Variants in SH3RF3 observed in about 807,000 individuals in gnomAD.
SH3RF3 encodes E3 ubiquitin-protein ligase SH3RF3.
In SH3RF3, 29 loss-of-function variants were observed where a neutral mutation model predicts 66.3. That is an observed-to-expected ratio of 0.44 (90% CI 0.33 to 0.60). SH3RF3 has a LOEUF of 0.60. Among genes scored for constraint, SH3RF3 ranks in the 20% least tolerant of loss-of-function variants. The pLI, the probability that SH3RF3 is intolerant of heterozygous loss-of-function variation, is 0.04. For missense variants in SH3RF3, 1,194 were observed against 1,190.9 expected, an observed-to-expected ratio of 1.00 and a Z score of -0.04; for synonymous variants, 583 against 532.0, an observed-to-expected ratio of 1.10 and a Z score of -1.32.
At chr2:109,136,526 T>A (rs377552844) in intron 1 of SH3RF3, among the ~76,000 whole-genome samples, 19 of 152,154 alleles carry the variant, frequency 1.2e-4, no homozygotes, top group Middle Eastern at 3.2e-3. Flanking sequence ...TGTATAAAGT[T>A]GCAGCATGAT....
intron 1 of SH3RF3, among the ~76,000 whole-genome samples, chr2:109,312,626 A>G (rs2105431948): frequency 6.6e-6 from 1 of 152,306 alleles, no homozygotes; most frequent in Middle Eastern, 3.4e-3. Flanking sequence ...GAATCATCCG[A>G]TACATGGCCC....
intron 9 of SH3RF3, among the ~76,000 whole-genome samples, chr2:109,491,803 C>T (rs1173425511): frequency 6.6e-6 from 1 of 152,196 alleles, no homozygotes; most frequent in Non-Finnish European, 1.5e-5. Context: ...AACAACCTCC[C>T]AAAAAGACAG....
chr2:109,274,332 A>G (rs1680698215), intron 1 of SH3RF3, among the ~76,000 whole-genome samples: 1 of 152,242 alleles, frequency 6.6e-6, no homozygotes, highest in African/African-American at 2.4e-5. Flanking sequence ...CAAGTATACA[A>G]ATGTTCATAG....
At chr2:109,499,798 A>ATCAT (rs1679343271) in intron 9 of SH3RF3, among the ~76,000 whole-genome samples, 2 of 152,286 alleles carry the variant, frequency 1.3e-5, no homozygotes, top group South Asian at 4.1e-4. Context: ...GTCAAACATA[A>ATCAT]TCATAGCCGG....
At chr2:109,385,127 G>A (rs911598047) in intron 3 of SH3RF3, among the ~76,000 whole-genome samples, 2 of 152,174 alleles carry the variant, frequency 1.3e-5, no homozygotes, top group Non-Finnish European at 2.9e-5. Context: ...CCCTGCCCAC[G>A]TTGGCATCAG....
intron 1 of SH3RF3, among the ~76,000 whole-genome samples, chr2:109,292,039 A>T (rs1443237766): frequency 2.0e-5 from 3 of 151,906 alleles, no homozygotes; most frequent in Non-Finnish European, 2.9e-5. Context: ...AATTTTTTGT[A>T]TTTTTAGTAG....
chr2:109,456,781 A>G (rs923393835), intron 8 of SH3RF3, among the ~76,000 whole-genome samples: 1 of 152,218 alleles, frequency 6.6e-6, no homozygotes, highest in Non-Finnish European at 1.5e-5. Context: ...CACAACGAGT[A>G]GGGCACTGGG....
chr2:109,269,269 A>G (rs943013044), intron 1 of SH3RF3, among the ~76,000 whole-genome samples: 1 of 152,212 alleles, frequency 6.6e-6, no homozygotes, highest in Non-Finnish European at 1.5e-5. Context: ...TTGAAATGAC[A>G]TAAAGGGACT....
At chr2:109,131,740 A>G (rs1423461812) in intron 1 of SH3RF3, among the ~76,000 whole-genome samples, 1 of 152,198 alleles carries the variant, frequency 6.6e-6, no homozygotes, top group Admixed American at 6.5e-5. Flanking sequence ...GACATTTAGT[A>G]TTAGCAGGAA....
chr2:109,307,542 T>C (rs1218869782), intron 1 of SH3RF3, among the ~76,000 whole-genome samples: 1 of 145,996 alleles, frequency 6.8e-6, no homozygotes, highest in Non-Finnish European at 1.5e-5. Flanking sequence ...CATCTAGCAT[T>C]AGGTATATCT....
At chr2:109,449,632 G>T in intron 8 of SH3RF3, 143 bp downstream of exon 8, 1 of 1,134,988 alleles carries the variant, frequency 8.8e-7, no homozygotes, top group Non-Finnish European at 1.2e-6. Context: ...CCAGGCGTGT[G>T]ACAGAGAGGG....
intron 8 of SH3RF3, among the ~76,000 whole-genome samples, chr2:109,480,805 G>A (rs956827082): frequency 4.6e-5 from 7 of 152,162 alleles, no homozygotes; most frequent in Non-Finnish European, 1.0e-4. Flanking sequence ...TATGACCTCC[G>A]GCTCTCTCTA....
intron 1 of SH3RF3, among the ~76,000 whole-genome samples, chr2:109,192,064 A>G (rs975785945): frequency 6.6e-6 from 1 of 152,106 alleles, no homozygotes; most frequent in African/African-American, 2.4e-5. Context: ...GTCTACCTGC[A>G]CCTTCACTTT....
chr2:109,441,490 G>T (rs141236325), intron 7 of SH3RF3, among the ~76,000 whole-genome samples: 2 of 152,102 alleles, frequency 1.3e-5, no homozygotes, highest in Non-Finnish European at 2.9e-5. Flanking sequence ...AATAGAAGCC[G>T]TGGAAAGTGG....
chr2:109,186,910 T>C (rs985709713), intron 1 of SH3RF3, among the ~76,000 whole-genome samples: 1 of 152,168 alleles, frequency 6.6e-6, no homozygotes, highest in Non-Finnish European at 1.5e-5. Context: ...ACCCAGTTTA[T>C]AGCAAAAAAG....
chr2:109,246,949 G>A (rs73952899), intron 1 of SH3RF3, among the ~76,000 whole-genome samples: 3,684 of 152,288 alleles, frequency 0.024, 138 homozygotes, highest in African/African-American at 0.083. Flanking sequence ...TTGAGGAGGC[G>A]TTCCCAGAGC....
rs73955530 is a variant in SH3RF3 at position 109,324,449 on chromosome 2, A to G, written c.574-23225A>G. Among the ~76,000 whole-genome samples, 1,342 of 152,338 alleles carry G rather than the reference A, an allele frequency of 8.8e-3. 26 individuals are homozygous for G. The highest frequency in any genetic ancestry group is 0.03 in the African/African-American group (1,265 of 41,580). The stretch of plus-strand genomic sequence containing the variant: ...CCAGTTTCTCCACATCTTTGTCAAC[A>G]TTCATTATTGCCAGTCTTTGTGATT... On this transcript the variant is annotated intron_variant, in intron 1 of 9. Coordinates refer to ENST00000309415, the MANE Select transcript of SH3RF3 (RefSeq NM_001099289.3).
intron 1 of SH3RF3, among the ~76,000 whole-genome samples, chr2:109,172,628 T>C (rs780778792): frequency 6.6e-6 from 1 of 152,168 alleles, no homozygotes; most frequent in Non-Finnish European, 1.5e-5. Flanking sequence ...GCATCACCTC[T>C]CCGGAGCCCA....
At chr2:109,339,267 G>T (rs1574582732) in intron 1 of SH3RF3, among the ~76,000 whole-genome samples, 1 of 146,380 alleles carries the variant, frequency 6.8e-6, no homozygotes, top group South Asian at 2.3e-4. Context: ...TGGTTCAAGG[G>T]TCAGCTGTTT....
Sources: allele counts gnomAD v4.1 joint callset (sites outside exome capture counted in the v4.1 genomes callset), GRCh38; gene constraint gnomAD v4.1.1; transcripts MANE v1.5; gene names NCBI Gene and HGNC (gene_info 2026-07-23, HGNC 2026-07-21).